Variants in DLGAP2 observed in about 807,000 individuals in gnomAD.
The protein encoded by DLGAP2 is disks large-associated protein 2.
In DLGAP2, 26 loss-of-function variants were observed where a neutral mutation model predicts 100.3. The observed-to-expected ratio is 0.26, with a 90% CI of 0.19 to 0.36. The LOEUF (loss-of-function observed/expected upper bound fraction) is 0.36. DLGAP2 is among the 10% of genes least tolerant of loss of function. The pLI, the probability that DLGAP2 is intolerant of heterozygous loss-of-function variation, is 1.00. For missense variants in DLGAP2, 1,858 were observed against 1,453.2 expected (o/e 1.28, Z -4.53); for synonymous variants, 886 against 630.1 (o/e 1.41, Z -6.08).
intron 2 of DLGAP2, among the ~76,000 whole-genome samples, chr8:1,157,490 C>A (rs2129052264): frequency 6.6e-6 from 1 of 152,280 alleles, no homozygotes; most frequent in Non-Finnish European, 1.5e-5. Context: ...CATCTCCCAG[C>A]CCCTGAAGAC....
chr8:1,036,262 A>C (rs1456082028), intron 2 of DLGAP2, among the ~76,000 whole-genome samples: 1 of 150,418 alleles, frequency 6.6e-6, no homozygotes, highest in African/African-American at 2.5e-5. Context: ...TCCCGACCCC[A>C]CATGTTCACG....
chr8:834,032 A>G (rs187970625), intron 1 of DLGAP2, among the ~76,000 whole-genome samples: 71 of 152,354 alleles, frequency 4.7e-4, no homozygotes, highest in Non-Finnish European at 8.1e-4. Context: ...GACGTTGCCC[A>G]ATTCAATCAG....
intron 3 of DLGAP2, among the ~76,000 whole-genome samples, chr8:1,415,337 G>A (rs1321164072): frequency 1.3e-5 from 2 of 151,952 alleles, no homozygotes; most frequent in Admixed American, 6.6e-5. Flanking sequence ...TTTTAGATCC[G>A]GGGGTACGTT....
chr8:832,630 G>C (rs1796803342), intron 1 of DLGAP2, among the ~76,000 whole-genome samples: 1 of 152,172 alleles, frequency 6.6e-6, no homozygotes, highest in Non-Finnish European at 1.5e-5. Context: ...TGGGATATCT[G>C]CCTGTCACTT....
chr8:1,546,260 C>T (rs1051911591), intron 4 of DLGAP2, among the ~76,000 whole-genome samples: 4 of 152,208 alleles, frequency 2.6e-5, no homozygotes, highest in African/African-American at 9.7e-5. Flanking sequence ...ATCTCTTTAT[C>T]CTTCAACTGG....
intron 3 of DLGAP2, among the ~76,000 whole-genome samples, chr8:1,286,188 C>T (rs1315497080): frequency 5.3e-5 from 8 of 152,240 alleles, no homozygotes; most frequent in Admixed American, 1.3e-4. Flanking sequence ...TTATAAGGGG[C>T]GTCCCCCTTT....
At chr8:1,567,961 C>T (rs77342625) in intron 6 of DLGAP2, among the ~76,000 whole-genome samples, 191 of 152,334 alleles carry the variant, frequency 1.3e-3, no homozygotes, top group Non-Finnish European at 2.4e-3. Context: ...GATGTGCTGC[C>T]TACGTTACTC....
intron 2 of DLGAP2, among the ~76,000 whole-genome samples, chr8:1,098,691 C>T (rs1435275662): frequency 6.2e-5 from 8 of 129,272 alleles, no homozygotes; most frequent in Non-Finnish European, 1.2e-4. Context: ...CCACGGGCGC[C>T]GCCACCCACG....
chr8:960,715 C>A (rs1584926019), intron 2 of DLGAP2, among the ~76,000 whole-genome samples: 2 of 152,166 alleles, frequency 1.3e-5, no homozygotes, highest in South Asian at 4.1e-4. Flanking sequence ...TGCTCCTCGA[C>A]TTATGATGGA....
chr8:1,618,283 A>G (rs1797221898), intron 6 of DLGAP2, among the ~76,000 whole-genome samples: 1 of 152,250 alleles, frequency 6.6e-6, no homozygotes, highest in Non-Finnish European at 1.5e-5. Flanking sequence ...CATGAATGAA[A>G]TAGGTAGAAA....
At chr8:1,361,484 C>T (rs556935540) in intron 3 of DLGAP2, among the ~76,000 whole-genome samples, 25 of 152,214 alleles carry the variant, frequency 1.6e-4, no homozygotes, top group African/African-American at 6.0e-4. Flanking sequence ...ACTAAGGTAA[C>T]ACACGGCTCT....
chr8:891,839 C>G (rs1034771085), intron 1 of DLGAP2, among the ~76,000 whole-genome samples: 1 of 152,184 alleles, frequency 6.6e-6, no homozygotes. Context: ...TGCATCCCAG[C>G]CAGCCGAGGA....
intron 12 of DLGAP2, among the ~76,000 whole-genome samples, chr8:1,690,546 A>G (rs1434703419): frequency 2.0e-5 from 3 of 150,170 alleles, no homozygotes; most frequent in African/African-American, 7.4e-5. Flanking sequence ...CTATACTAAA[A>G]ATACAAAATT....
chr8:1,555,935 C>A (rs1470027409), intron 5 of DLGAP2, among the ~76,000 whole-genome samples: 4 of 152,146 alleles, frequency 2.6e-5, no homozygotes, highest in African/African-American at 9.7e-5. Flanking sequence ...AGACAGTGTT[C>A]CGAAAAGCAC....
rs148296732 is a variant in DLGAP2 at position 926,939 on chromosome 8, C to T, written c.73+18973C>T. The T allele has an allele frequency of 1.3e-5, 11 of 828,466 alleles. No individual in the cohort carries two copies. The East Asian group carries it at 1.4e-3, about 103-fold the overall frequency. The allele number at this position is 828,466 out of a possible 1,614,324, so 51.3% of individuals were successfully genotyped here. ...GTGTTCCCTGAGCCGGATTAAATGC[C>T]TCTGCGCTGTGGGGGTGGGGACAGC... On this transcript the variant is annotated intron_variant, in intron 2 of 14. Transcript: ENST00000637795.
At chr8:1,450,689 C>T (rs531970586) in intron 3 of DLGAP2, among the ~76,000 whole-genome samples, 1 of 152,188 alleles carries the variant, frequency 6.6e-6, no homozygotes, top group East Asian at 1.9e-4. Flanking sequence ...TCTAAATGGC[C>T]TATGTCCCCA....
intron 2 of DLGAP2, among the ~76,000 whole-genome samples, chr8:1,234,176 T>G (rs78407833): frequency 3.0e-4 from 45 of 152,336 alleles, no homozygotes; most frequent in African/African-American, 1.1e-3. Flanking sequence ...GAAAGTCCTG[T>G]GCGGCTGTTG....
At chr8:782,258 G>A (rs1247898276) in intron 1 of DLGAP2, among the ~76,000 whole-genome samples, 2 of 151,570 alleles carry the variant, frequency 1.3e-5, no homozygotes, top group Admixed American at 6.6e-5. Flanking sequence ...CAGAAGAGAG[G>A]GGATTGTCCT....
At chr8:1,187,510 A>G (rs1797534719) in intron 2 of DLGAP2, among the ~76,000 whole-genome samples, 1 of 133,696 alleles carries the variant, frequency 7.5e-6, no homozygotes, top group African/African-American at 3.1e-5. Context: ...GACCTCCGTG[A>G]CGTTTGCTTC....
Sources: allele counts gnomAD v4.1 joint callset (sites outside exome capture counted in the v4.1 genomes callset), GRCh38; gene constraint gnomAD v4.1.1; transcripts MANE v1.5; gene names NCBI Gene and HGNC (gene_info 2026-07-23, HGNC 2026-07-21).